XYLB: variants seen among roughly 807,000 people sequenced by gnomAD.
XYLB encodes the protein xylulokinase.
In XYLB, 62 loss-of-function variants were observed where a neutral mutation model predicts 78.7. The observed-to-expected ratio is 0.79, with a 90% CI of 0.64 to 0.97. XYLB has a LOEUF of 0.97. Ranked by LOEUF, XYLB falls within the 50% of genes least tolerant of loss-of-function variation. The pLI, the probability that XYLB is intolerant of heterozygous loss-of-function variation, is 0.00. For missense variants in XYLB, 687 were observed against 676.8 expected (o/e 1.02, Z -0.17); for synonymous variants, 245 against 247.4 (o/e 0.99, Z 0.09).
chr3:38,400,758 T>C, intron 17 of XYLB, 133 bp from the exon 18 acceptor site: 2 of 643,398 alleles, frequency 3.1e-6, no homozygotes, highest in Non-Finnish European at 5.5e-6. Context: ...TTCATAAATG[T>C]ACTGAATTGT....
downstream of XYLB, among the ~76,000 whole-genome samples, chr3:38,423,650 A>G (rs1294486547): frequency 6.6e-6 from 1 of 152,256 alleles, no homozygotes; most frequent in African/African-American, 2.4e-5. Flanking sequence ...GCCACAAGGC[A>G]TGTTAAACAG....
At chr3:38,353,644 T>C (rs1705487172) in intron 2 of XYLB, among the ~76,000 whole-genome samples, 2 of 151,992 alleles carry the variant, frequency 1.3e-5, no homozygotes, top group Admixed American at 6.6e-5. Flanking sequence ...TCTTTACCTT[T>C]AAGAGGCTGA....
At chr3:38,422,201 T>G (rs1709000283), downstream of XYLB, among the ~76,000 whole-genome samples, 1 of 152,130 alleles carries the variant, frequency 6.6e-6, no homozygotes, top group Admixed American at 6.5e-5. Context: ...TAATTTACAT[T>G]TAAAAGGAGT....
chr3:38,363,147 G>A, intron 4 of XYLB, 130 bp downstream of exon 4: 1 of 625,910 alleles, frequency 1.6e-6, no homozygotes, highest in South Asian at 4.8e-5. Context: ...AAATTTCACT[G>A]TGAATAAAAA....
downstream of XYLB, among the ~76,000 whole-genome samples, chr3:38,419,264 A>G (rs1708895935): frequency 6.6e-6 from 1 of 152,136 alleles, no homozygotes; most frequent in Non-Finnish European, 1.5e-5. Context: ...GCAAGGCTGA[A>G]TAATATTCCG....
chr3:38,401,959 T>C (rs964925634), intron 18 of XYLB, among the ~76,000 whole-genome samples: 1 of 152,056 alleles, frequency 6.6e-6, no homozygotes, highest in African/African-American at 2.4e-5. Context: ...TGCCACCATT[T>C]TGTAGCGGCA....
chr3:38,395,671 T>C, intron 16 of XYLB, 108 bp downstream of exon 16: 1 of 1,201,536 alleles, frequency 8.3e-7, no homozygotes, highest in Admixed American at 1.8e-5. Flanking sequence ...CCTGCAGGAA[T>C]GGGGAGCTCT....
intron 2 of XYLB, among the ~76,000 whole-genome samples, chr3:38,350,704 A>G (rs980193163): frequency 6.6e-6 from 1 of 152,196 alleles, no homozygotes; most frequent in African/African-American, 2.4e-5. Flanking sequence ...ATTTAATGCT[A>G]TAAATTTCTC....
chr3:38,387,168 G>C (rs1033699893), intron 15 of XYLB, among the ~76,000 whole-genome samples: 1 of 152,126 alleles, frequency 6.6e-6, no homozygotes, highest in Non-Finnish European at 1.5e-5. Flanking sequence ...TCTTGGATCT[G>C]TGGGTTAATG....
chr3:38,355,972 C>A, intron 2 of XYLB: 2 of 580,162 alleles, frequency 3.4e-6, no homozygotes, highest in Non-Finnish European at 6.1e-6. Context: ...ATACTGGGGC[C>A]AGGTGTGGTC....
intron 16 of XYLB, 147 bp from the exon 17 acceptor site, chr3:38,396,925 C>A: frequency 1.3e-6 from 1 of 765,584 alleles, no homozygotes; most frequent in Non-Finnish European, 2.2e-6. Context: ...GGTAGCATGA[C>A]CAAGCATACT....
Position 38,413,035 on chromosome 3 carries a change from G to A in XYLB, c.*22G>A. Reference sequence around the variant, plus strand: ...GTGAACAGGCATCCCTGTTGCCCCTGCCTGCCCAGATTTACTGACCCCATT... The same window carrying A: ...GTGAACAGGCATCCCTGTTGCCCCTACCTGCCCAGATTTACTGACCCCATT... On this transcript the variant is annotated 3_prime_UTR_variant, in exon 19 of 19. Coordinates refer to ENST00000207870, the MANE Select transcript of XYLB (RefSeq NM_005108.4). 1.3e-6 allele frequency: 2 copies of A among 1,574,720 alleles called. No homozygotes were observed. Among genetic ancestry groups the A allele is most frequent in the Non-Finnish European group, 1.7e-6 (2 of 1,167,222 alleles).
intron 15 of XYLB, among the ~76,000 whole-genome samples, chr3:38,379,863 G>C (rs1366984072): frequency 6.6e-6 from 1 of 152,174 alleles, no homozygotes; most frequent in Non-Finnish European, 1.5e-5. Flanking sequence ...CAGAATACCT[G>C]TTCCTGGGTA....
At chr3:38,396,984 G>A in intron 16 of XYLB, 88 bp from the exon 17 acceptor site, 4 of 1,335,542 alleles carry the variant, frequency 3.0e-6, no homozygotes, top group South Asian at 1.2e-5. Context: ...AGACATATGA[G>A]GGAGAGAGCC....
intron 15 of XYLB, among the ~76,000 whole-genome samples, chr3:38,391,110 A>G (rs1389619023): frequency 6.6e-6 from 1 of 152,144 alleles, no homozygotes; most frequent in Non-Finnish European, 1.5e-5. Context: ...CCTACTCAGG[A>G]GGCTGAGGCG....
intron 18 of XYLB, 61 bp from the exon 19 acceptor site, chr3:38,412,875 G>A (rs1575548419): frequency 4.2e-6 from 6 of 1,435,350 alleles, no homozygotes; most frequent in East Asian, 2.4e-5. Flanking sequence ...ATTGCAAAGT[G>A]CAACCAGATG....
chr3:38,415,733 G>A (rs920848424), downstream of XYLB, among the ~76,000 whole-genome samples: 9 of 152,158 alleles, frequency 5.9e-5, no homozygotes, highest in Non-Finnish European at 1.3e-4. Context: ...AGTGAGCCGA[G>A]ATTGTGCCAC....
downstream of XYLB, among the ~76,000 whole-genome samples, chr3:38,419,623 G>A (rs1030980439): frequency 5.8e-5 from 5 of 86,318 alleles, no homozygotes; most frequent in African/African-American, 1.5e-4. Context: ...CGTTATGGAT[G>A]TGAAGTGAAA....
Position 38,363,017 on chromosome 3 carries a change from G to A in XYLB, c.291G>A (p.Gln97=). The change falls in exon 4 of 19, where the codon CAG becomes CAA. Residue 97 remains glutamine (Q), a splice_region_variant and synonymous_variant. Coordinates refer to ENST00000207870, the MANE Select transcript of XYLB (RefSeq NM_005108.4). ...TCCTAGCCTTGTCCGGGGCGGGCCA[G>A]GTTCGTTTGCAGCAGACTCTGTCTG... ...SQVLALSGAG[Q]QHGSIYWKAG... 6.5e-7 allele frequency: 1 copy of A among 1,547,640 alleles called. No individual in the cohort carries two copies. Among genetic ancestry groups the A allele is most frequent in the Non-Finnish European group, 8.7e-7 (1 of 1,143,296 alleles).
Sources: gnomAD v4.1 joint callset for allele counts (sites outside exome capture counted in the v4.1 genomes callset) on GRCh38, gnomAD v4.1.1 for gene constraint, MANE v1.5 for transcripts, NCBI Gene and HGNC (gene_info 2026-07-23, HGNC 2026-07-21) for gene names.